Variants in TAF3 observed in about 807,000 individuals in gnomAD.
The protein encoded by TAF3 is transcription initiation factor TFIID subunit 3.
In TAF3, 7 loss-of-function variants were observed where a neutral mutation model predicts 80.6. The observed-to-expected ratio is 0.09, with a 90% confidence interval of 0.05 to 0.16. TAF3 has a LOEUF of 0.16. TAF3 is among the 10% of genes least tolerant of loss of function. TAF3 has a pLI of 1.00. For missense variants in TAF3, 921 were observed against 1,140.2 expected, an observed-to-expected ratio of 0.81 and a Z score of 2.77; for synonymous variants, 444 against 446.1, an observed-to-expected ratio of 1.00 and a Z score of 0.06.
At chr10:7,963,748 T>C (rs189526459) in intron 2 of TAF3, among the ~76,000 whole-genome samples, 172 bp from the exon 3 acceptor site, 169 of 152,210 alleles carry the variant, frequency 1.1e-3, no homozygotes, top group African/African-American at 3.9e-3. Context: ...ACAGGGCACA[T>C]GTATACCTGT....
At chr10:7,925,940 G>A (rs951461089) in intron 2 of TAF3, among the ~76,000 whole-genome samples, 3 of 151,604 alleles carry the variant, frequency 2.0e-5, no homozygotes, top group African/African-American at 7.3e-5. Context: ...AAGGCCAGGT[G>A]CAGTGGCTCA....
intron 3 of TAF3, among the ~76,000 whole-genome samples, chr10:7,973,668 C>T (rs547344930): frequency 1.0e-3 from 156 of 152,136 alleles, no homozygotes; most frequent in Non-Finnish European, 1.9e-3. Context: ...TATAACCAAG[C>T]ACAATGCCTG....
At chr10:7,888,453 T>C (rs1404698774) in intron 2 of TAF3, among the ~76,000 whole-genome samples, 1 of 152,188 alleles carries the variant, frequency 6.6e-6, no homozygotes, top group South Asian at 2.1e-4. Flanking sequence ...CATTTAAACA[T>C]TGACACCCCT....
intron 2 of TAF3, among the ~76,000 whole-genome samples, chr10:7,871,434 G>GTTTTTTTTTTTTTT (rs1837263649): frequency 1.5e-5 from 1 of 64,770 alleles, no homozygotes. Context: ...AATAACTGCT[G>GTTTTTTTTTTTTTT]CTTTTTTTTT....
chr10:7,947,676 A>G (rs1838039210), intron 2 of TAF3, among the ~76,000 whole-genome samples: 2 of 152,202 alleles, frequency 1.3e-5, no homozygotes, highest in Admixed American at 1.3e-4. Context: ...AGCATCGAAG[A>G]TGCCAGCATG....
chr10:7,869,529 G>A (rs941763081), intron 2 of TAF3, among the ~76,000 whole-genome samples: 6 of 151,952 alleles, frequency 3.9e-5, no homozygotes, highest in South Asian at 2.1e-4. Context: ...TCCCTGTTGT[G>A]ACATTTAGAT....
chr10:7,979,814 G>T (rs1831709172), intron 4 of TAF3, among the ~76,000 whole-genome samples: 4 of 151,658 alleles, frequency 2.6e-5, no homozygotes, highest in African/African-American at 9.7e-5. Context: ...CTTTTTGTGG[G>T]GTGGGGTGGT....
intron 4 of TAF3, among the ~76,000 whole-genome samples, chr10:7,985,915 C>G (rs1831772222): frequency 6.6e-6 from 1 of 151,806 alleles, no homozygotes; most frequent in Non-Finnish European, 1.5e-5. Context: ...TCCCGAGTAG[C>G]TGGGACTATG....
intron 2 of TAF3, among the ~76,000 whole-genome samples, chr10:7,842,701 A>G (rs574018467): frequency 4.6e-5 from 7 of 152,298 alleles, no homozygotes; most frequent in South Asian, 2.1e-4. Context: ...TTTCTCCCCA[A>G]TAAGATATAT....
In TAF3 at chr10:7,834,594, G is replaced by C. The variant is rs182094170; in HGVS notation, c.409+10034G>C. Among the ~76,000 whole-genome samples, 19 of 152,146 alleles carry C rather than the reference G, an allele frequency of 1.2e-4. 1 individual carries two copies. The East Asian group carries it at 3.7e-3, about 29-fold the overall frequency. On this transcript the variant is annotated intron_variant, in intron 2 of 6. Coordinates refer to ENST00000344293, the MANE Select transcript of TAF3 (RefSeq NM_031923.4). ...TAGATAGGTGGATAGGGTTCCTCCT[G>C]AGTTCATGCAGATTTTCCAATTCAT...
At chr10:7,988,356 A>C (rs1380249637) in intron 4 of TAF3, among the ~76,000 whole-genome samples, 4 of 151,914 alleles carry the variant, frequency 2.6e-5, no homozygotes, top group Non-Finnish European at 4.4e-5. Context: ...TTGGGAGGCC[A>C]AGGCAAACAG....
At chr10:7,912,782 CA>C (rs1335216365) in intron 2 of TAF3, among the ~76,000 whole-genome samples, 1 of 152,172 alleles carries the variant, frequency 6.6e-6, no homozygotes, top group East Asian at 1.9e-4. Context: ...TCCGTCAGTC[CA>C]GGACCTCTGT....
chr10:7,965,571 A>G lies in TAF3; in HGVS notation c.2061A>G (p.Glu687=). ...MLPSLLPVLP[E]KLFEEKEKVK... ...CATCTTTGTTGCCAGTGCTTCCGGA[A>G]AAACTGTTTGAGGAGAAAGAGAAGG... Residue 687 remains glutamate (E), a synonymous_variant, in exon 3 of 7, where the codon GAA becomes GAG. Transcript: ENST00000344293. 6.2e-7 allele frequency: 1 copy of G among 1,600,198 alleles called. No individual in the cohort carries two copies. The highest frequency in any genetic ancestry group is 8.5e-7 in the Non-Finnish European group (1 of 1,176,734).
intron 3 of TAF3, among the ~76,000 whole-genome samples, chr10:7,976,115 C>T (rs973022016): frequency 6.6e-6 from 1 of 152,198 alleles, no homozygotes; most frequent in Non-Finnish European, 1.5e-5. Flanking sequence ...CCTTTAACAT[C>T]AGACTTAGTT....
chr10:7,936,897 T>C (rs987717828), intron 2 of TAF3, among the ~76,000 whole-genome samples: 6 of 152,116 alleles, frequency 3.9e-5, no homozygotes, highest in African/African-American at 1.4e-4. Flanking sequence ...ACTGTATTCA[T>C]AATTTTACCT....
intron 2 of TAF3, among the ~76,000 whole-genome samples, chr10:7,915,790 C>T (rs1325967376): frequency 6.6e-6 from 1 of 151,636 alleles, no homozygotes; most frequent in East Asian, 1.9e-4. Flanking sequence ...ACCAGCCTCG[C>T]CAACATGGTG....
intron 2 of TAF3, among the ~76,000 whole-genome samples, chr10:7,830,582 C>T (rs750035794): frequency 9.9e-5 from 13 of 131,810 alleles, no homozygotes; most frequent in Admixed American, 2.8e-4. Context: ...CTCCTGGGTT[C>T]AAGCGATTCT....
chr10:7,878,300 A>T (rs1837328681), intron 2 of TAF3, among the ~76,000 whole-genome samples: 1 of 152,204 alleles, frequency 6.6e-6, no homozygotes, highest in African/African-American at 2.4e-5. Flanking sequence ...GTGAAATATT[A>T]TATAGCAATG....
intron 2 of TAF3, among the ~76,000 whole-genome samples, chr10:7,841,498 G>T (rs905765572): frequency 2.6e-5 from 4 of 152,200 alleles, no homozygotes; most frequent in African/African-American, 9.6e-5. Flanking sequence ...CTAACCTAGT[G>T]TGCTTACAGG....
Sources: allele counts gnomAD v4.1 joint callset (sites outside exome capture counted in the v4.1 genomes callset), GRCh38; gene constraint gnomAD v4.1.1; transcripts MANE v1.5; gene names NCBI Gene and HGNC (gene_info 2026-07-23, HGNC 2026-07-21).